Variants in BANK1 observed in about 807,000 individuals in gnomAD.
The protein encoded by BANK1 is B cell scaffold protein with ankyrin repeats 1, also known as B-cell scaffold protein with ankyrin repeats.
A neutral mutation model predicts 94.5 loss-of-function variants in BANK1; 95 were observed. The ratio of observed to expected loss-of-function variants is 1.00; its 90% CI spans 0.85 to 1.19. The LOEUF is 1.19. Among genes scored for constraint, BANK1 ranks in the 50% most tolerant of loss-of-function variants. The pLI, the probability that BANK1 is intolerant of heterozygous loss-of-function variation, is 0.00. For missense variants in BANK1, 987 were observed against 932.2 expected (o/e 1.06, Z -0.77); for synonymous variants, 334 against 308.4 (o/e 1.08, Z -0.87).
At chr4:101,931,771 G>A (rs927223594) in intron 7 of BANK1, among the ~76,000 whole-genome samples, 7 of 151,410 alleles carry the variant, frequency 4.6e-5, no homozygotes, top group African/African-American at 1.7e-4. Flanking sequence ...ATCATATCGT[G>A]TTACAGTTTG....
intron 6 of BANK1, 126 bp from the exon 7 acceptor site, chr4:101,917,867 G>A (rs1722877250): frequency 1.8e-6 from 1 of 546,890 alleles, no homozygotes; most frequent in East Asian, 2.9e-5. Context: ...ACTATTGATA[G>A]TTTCTTACAC....
Position 102,003,799 on chromosome 4 carries a change from T to C in BANK1, c.1207-17715T>C, listed in dbSNP as rs188748570. Among the ~76,000 whole-genome samples the C allele has an allele frequency of 1.1e-4, 17 of 152,060 alleles. No individual in the cohort carries two copies. In the East Asian group the frequency reaches 2.3e-3, roughly 21 times the overall value. On this transcript the variant is annotated intron_variant, in intron 7 of 16. Coordinates refer to ENST00000322953, the MANE Select transcript of BANK1 (RefSeq NM_017935.5). ...ATACACACAGATATAAATATGTAAA[T>C]ATATATTTCACATGCATATATATAT... is the stretch of plus-strand genomic sequence containing the variant.
chr4:101,899,145 A>G (rs2148892496), intron 6 of BANK1, among the ~76,000 whole-genome samples: 1 of 152,160 alleles, frequency 6.6e-6, no homozygotes, highest in African/African-American at 2.4e-5. Context: ...CTGTGAAGAA[A>G]TCAATGTAAA....
At chr4:101,940,535 A>G (rs1257570077) in intron 7 of BANK1, among the ~76,000 whole-genome samples, 1 of 151,628 alleles carries the variant, frequency 6.6e-6, no homozygotes, top group Non-Finnish European at 1.5e-5. Context: ...AACATGCCAT[A>G]TTGCATTTGT....
chr4:101,909,234 C>T (rs1247556649), intron 6 of BANK1, among the ~76,000 whole-genome samples: 1 of 152,108 alleles, frequency 6.6e-6, no homozygotes, highest in Non-Finnish European at 1.5e-5. Flanking sequence ...GAGTTCATGT[C>T]CTTTGTAGGG....
chr4:102,063,608 G>A (rs1184170284), intron 13 of BANK1, among the ~76,000 whole-genome samples: 1 of 151,802 alleles, frequency 6.6e-6, no homozygotes, highest in Non-Finnish European at 1.5e-5. Context: ...TGGATCACTT[G>A]AGGATAGGAG....
intron 7 of BANK1, among the ~76,000 whole-genome samples, chr4:101,994,887 G>A (rs1725825150): frequency 6.6e-6 from 1 of 152,038 alleles, no homozygotes; most frequent in Non-Finnish European, 1.5e-5. Flanking sequence ...AACAAAAAAA[G>A]TTGTCTCTTT....
In BANK1 at chr4:101,870,590, A is replaced by G; in HGVS notation, c.849A>G (p.Ala283=). 1 of 1,612,992 alleles carries G rather than the reference A, an allele frequency of 6.2e-7. No individual in the cohort carries two copies. The highest frequency in any genetic ancestry group is 8.5e-7 in the Non-Finnish European group (1 of 1,179,322). The change falls in exon 5 of 17, where the codon GCA becomes GCG. Residue 283 remains alanine, a synonymous_variant. Coordinates refer to ENST00000322953, the MANE Select transcript of BANK1 (RefSeq NM_017935.5). The part of the protein sequence containing the change: ...ATTKIKYYPT[A]KAKECLFRMA... ...CCAAAATTAAGTACTACCCAACAGCAAAGGCAAAGGAATGCCTATTCAGAA... is the reference window on the plus strand; with the variant it reads ...CCAAAATTAAGTACTACCCAACAGCGAAGGCAAAGGAATGCCTATTCAGAA...
Position 102,060,322 on chromosome 4 carries a change from T to C in BANK1, c.2081T>C (p.Met694Thr). ...QEKVKNGKMS[M>T]DEALEKFKHW... is the part of the protein sequence containing the mutation. ...AAAGTAAAGAATGGGAAAATGTCTATGGATGAAGCTCTGGAGAAATTTAAA... is the reference window on the plus strand; with the variant it reads ...AAAGTAAAGAATGGGAAAATGTCTACGGATGAAGCTCTGGAGAAATTTAAA... The change falls in exon 12 of 17, where the codon ATG becomes ACG. Residue 694 changes from methionine to threonine, a missense_variant. By Grantham distance (81) the Met-to-Thr change is moderately conservative. Transcript: ENST00000322953. The C allele has an allele frequency of 1.2e-6, 2 of 1,610,258 alleles. No homozygotes were observed. Among genetic ancestry groups the C allele is most frequent in the Non-Finnish European group, 1.7e-6 (2 of 1,178,738 alleles).
At chr4:101,917,709 CT>C (rs1417058378) in intron 6 of BANK1, among the ~76,000 whole-genome samples, 3 of 150,232 alleles carry the variant, frequency 2.0e-5, no homozygotes, top group Non-Finnish European at 3.0e-5. Context: ...GTTTTTCTTT[CT>C]TTTTTTTTCA....
At chr4:102,067,826 T>C (rs1410196730) in intron 13 of BANK1, among the ~76,000 whole-genome samples, 5 of 152,034 alleles carry the variant, frequency 3.3e-5, no homozygotes, top group Non-Finnish European at 7.4e-5. Flanking sequence ...ACATAAATAA[T>C]TTTTTAAGTC....
chr4:101,795,747 A>G (rs1725133874), intron 1 of BANK1, among the ~76,000 whole-genome samples: 1 of 152,156 alleles, frequency 6.6e-6, no homozygotes, highest in South Asian at 2.1e-4. Flanking sequence ...AAAATGTAGA[A>G]CTTTCACTAC....
intron 2 of BANK1, among the ~76,000 whole-genome samples, chr4:101,838,498 C>T (rs1281375989): frequency 6.6e-6 from 1 of 151,930 alleles, no homozygotes; most frequent in Admixed American, 6.6e-5. Flanking sequence ...ATTTCAATTC[C>T]ACATGGGAAA....
At chr4:101,988,517 A>G (rs1380579053) in intron 7 of BANK1, among the ~76,000 whole-genome samples, 7 of 152,196 alleles carry the variant, frequency 4.6e-5, no homozygotes, top group African/African-American at 1.7e-4. Context: ...GTGCCTCAAC[A>G]AAGTATTTTT....
chr4:102,012,238 A>T (rs1316003650), intron 7 of BANK1, among the ~76,000 whole-genome samples: 1 of 152,142 alleles, frequency 6.6e-6, no homozygotes. Flanking sequence ...ATCTATCTTG[A>T]CTTACTCCAC....
intron 6 of BANK1, among the ~76,000 whole-genome samples, chr4:101,906,140 T>C (rs891789483): frequency 2.6e-5 from 4 of 152,104 alleles, no homozygotes; most frequent in African/African-American, 7.2e-5. Context: ...AAGTTTTAAA[T>C]TGTAAGAACA....
At chr4:102,017,778 A>G (rs562824625) in intron 7 of BANK1, among the ~76,000 whole-genome samples, 25 of 149,770 alleles carry the variant, frequency 1.7e-4, no homozygotes, top group Non-Finnish European at 7.6e-5. Context: ...TTAGTTTTCT[A>G]TAATAAGATC....
At chr4:101,940,978 G>A (rs1723723809) in intron 7 of BANK1, among the ~76,000 whole-genome samples, 1 of 151,708 alleles carries the variant, frequency 6.6e-6, no homozygotes, top group African/African-American at 2.4e-5. Flanking sequence ...GACAAAGACT[G>A]TAAAGTATGT....
chr4:101,930,669 A>C (rs1263797893), intron 7 of BANK1, among the ~76,000 whole-genome samples: 1 of 151,532 alleles, frequency 6.6e-6, no homozygotes, highest in Admixed American at 6.6e-5. Flanking sequence ...GCTCAGTCCT[A>C]CTATCCAGGT....
Sources: gnomAD v4.1 joint callset for allele counts (sites outside exome capture counted in the v4.1 genomes callset) on GRCh38, gnomAD v4.1.1 for gene constraint, MANE v1.5 for transcripts, NCBI Gene and HGNC (gene_info 2026-07-23, HGNC 2026-07-21) for gene names.